Variants in STK33 observed in about 807,000 individuals in gnomAD.
STK33 encodes the protein serine/threonine kinase 33.
In STK33, 52 loss-of-function variants were observed where a neutral mutation model predicts 58.0. That is an observed-to-expected ratio of 0.90 (90% CI 0.72 to 1.13). STK33 has a LOEUF of 1.13. STK33 is among the 50% of genes most tolerant of loss of function. The pLI is 0.00. For missense variants in STK33, 630 were observed against 604.2 expected, an observed-to-expected ratio of 1.04 and a Z score of -0.45; for synonymous variants, 215 against 200.1, an observed-to-expected ratio of 1.07 and a Z score of -0.63.
chr11:8,581,691 T>C (rs149791381), intron 1 of STK33, among the ~76,000 whole-genome samples: 37 of 152,378 alleles, frequency 2.4e-4, no homozygotes, highest in African/African-American at 8.9e-4. Flanking sequence ...CCCTATGTGA[T>C]TAATTTATTG....
intron 12 of STK33, among the ~76,000 whole-genome samples, chr11:8,436,975 G>A (rs1944149191): frequency 6.6e-6 from 1 of 152,206 alleles, no homozygotes; most frequent in African/African-American, 2.4e-5. Flanking sequence ...TGGGATTACA[G>A]GCATGTGTCA....
the STK33 span, among the ~76,000 whole-genome samples, chr11:8,365,644 C>T: frequency 6.6e-6 from 1 of 152,218 alleles, no homozygotes; most frequent in Non-Finnish European, 1.5e-5. Context: ...CACCTACCCA[C>T]TGCCACTTTC....
chr11:8,455,152 T>C (rs1946694570), intron 9 of STK33, among the ~76,000 whole-genome samples: 1 of 152,198 alleles, frequency 6.6e-6, no homozygotes, highest in East Asian at 1.9e-4. Flanking sequence ...GGAGATCATC[T>C]TAGTCACAAA....
rs142603559 is a variant in STK33, at chr11:8,576,914, T to A, written c.-466+17169A>T. On this transcript the variant is annotated intron_variant, in intron 1 of 15. Coordinates refer to ENST00000687296, the MANE Select transcript of STK33 (RefSeq NM_001352389.2). ...CTGGATGACTTTAAAAAACCTTGAATAAGACATGAAAGAATTGCTCTACTT... is the reference window on the plus strand; with the variant it reads ...CTGGATGACTTTAAAAAACCTTGAAAAAGACATGAAAGAATTGCTCTACTT... Among the ~76,000 whole-genome samples, 130 of 152,282 alleles carry A rather than the reference T, an allele frequency of 8.5e-4. 1 individual carries two copies. The highest frequency in any genetic ancestry group is 3.1e-3 in the African/African-American group (130 of 41,564).
chr11:8,425,393 G>C (rs10840044), intron 14 of STK33, among the ~76,000 whole-genome samples: 18,670 of 152,180 alleles, frequency 0.12, 1,976 homozygotes, highest in African/African-American at 0.28. Context: ...CTGTAGCCTT[G>C]TAGTATAGTT....
chr11:8,402,493 A>T (rs955344408), intron 15 of STK33, among the ~76,000 whole-genome samples: 2 of 152,316 alleles, frequency 1.3e-5, no homozygotes, highest in South Asian at 4.1e-4. Context: ...GAGGGATAGC[A>T]TTAGGAGATA....
chr11:8,440,603 A>G (rs1944615497), intron 12 of STK33, 75 bp downstream of exon 12: 2 of 1,232,786 alleles, frequency 1.6e-6, no homozygotes, highest in South Asian at 3.7e-5. Flanking sequence ...TATTAGTTTT[A>G]ATTTAAAGTC....
the STK33 span, among the ~76,000 whole-genome samples, chr11:8,374,280 C>T: frequency 1.3e-5 from 2 of 152,322 alleles, no homozygotes; most frequent in East Asian, 1.9e-4. Flanking sequence ...GCTCCCACCC[C>T]CAACCCCCTT....
At chr11:8,372,163 C>T in the STK33 span, among the ~76,000 whole-genome samples, 2 of 152,246 alleles carry the variant, frequency 1.3e-5, no homozygotes, top group Admixed American at 6.5e-5. Flanking sequence ...CCACCATGCC[C>T]GGCCAAGAAG....
At chr11:8,341,089 C>CTCAGG in the STK33 span, among the ~76,000 whole-genome samples, 3 of 125,924 alleles carry the variant, frequency 2.4e-5, no homozygotes, top group African/African-American at 8.9e-5. Context: ...AACTCATGAC[C>CTCAGG]TCAGGTGATC....
intron 1 of STK33, among the ~76,000 whole-genome samples, chr11:8,516,518 C>T (rs953219220): frequency 5.3e-5 from 8 of 152,218 alleles, no homozygotes; most frequent in Middle Eastern, 3.4e-3. Flanking sequence ...GTGCAGCCCA[C>T]GGAGCAGGAT....
At chr11:8,419,155 C>T (rs1254447724) in intron 14 of STK33, among the ~76,000 whole-genome samples, 3 of 152,064 alleles carry the variant, frequency 2.0e-5, no homozygotes, top group East Asian at 1.9e-4. Context: ...AAATCTTTGC[C>T]GGTACCTATG....
intron 15 of STK33, among the ~76,000 whole-genome samples, chr11:8,398,922 C>T (rs1849869474): frequency 1.3e-5 from 2 of 152,138 alleles, no homozygotes; most frequent in African/African-American, 4.8e-5. Context: ...GCTAACTGTC[C>T]TAAATATATA....
intron 1 of STK33, among the ~76,000 whole-genome samples, chr11:8,514,010 C>T (rs1033416848): frequency 4.6e-5 from 7 of 151,836 alleles, no homozygotes; most frequent in Admixed American, 2.6e-4. Flanking sequence ...TACCCTCTAT[C>T]TCCATGAGTT....
intron 14 of STK33, among the ~76,000 whole-genome samples, chr11:8,418,454 T>G (rs1590893120): frequency 6.6e-6 from 1 of 152,174 alleles, no homozygotes; most frequent in Non-Finnish European, 1.5e-5. Flanking sequence ...AATTCCATGG[T>G]GTATATGTAC....
intron 14 of STK33, among the ~76,000 whole-genome samples, chr11:8,429,999 A>G (rs759118878): frequency 2.0e-5 from 3 of 152,180 alleles, no homozygotes; most frequent in Non-Finnish European, 4.4e-5. Context: ...GTCCACTCAC[A>G]TAACGCTCCA....
chr11:8,522,916 C>T (rs957136984), intron 1 of STK33, among the ~76,000 whole-genome samples: 1 of 152,174 alleles, frequency 6.6e-6, no homozygotes, highest in African/African-American at 2.4e-5. Flanking sequence ...CTCAGCCTGC[C>T]GAGTGCCTGG....
At chr11:8,379,473 A>T in the STK33 span, among the ~76,000 whole-genome samples, 1 of 152,198 alleles carries the variant, frequency 6.6e-6, no homozygotes, top group Admixed American at 6.5e-5. Flanking sequence ...TCTTATCAAA[A>T]AGTAGGAAAA....
downstream of STK33, among the ~76,000 whole-genome samples, chr11:8,389,734 G>A (rs987089263): frequency 6.6e-6 from 1 of 152,206 alleles, no homozygotes; most frequent in Non-Finnish European, 1.5e-5. Context: ...TTTAAACAAA[G>A]CATTTCAGTG....
Sources: allele counts gnomAD v4.1 joint callset (sites outside exome capture counted in the v4.1 genomes callset), GRCh38; gene constraint gnomAD v4.1.1; transcripts MANE v1.5; gene names NCBI Gene and HGNC (gene_info 2026-07-23, HGNC 2026-07-21).